The following NRG2 variants were observed in gnomAD, a reference collection of about 807,000 sequenced individuals.
NRG2 encodes pro-neuregulin-2, membrane-bound isoform.
NRG2 carries 27 observed loss-of-function variants against 73.9 expected under a neutral mutation model. The observed-to-expected ratio is 0.37, with a 90% CI of 0.27 to 0.50. NRG2 has a LOEUF of 0.50. Ranked by LOEUF, NRG2 falls within the 20% of genes least tolerant of loss-of-function variation. NRG2 has a pLI of 0.96. For synonymous variants in NRG2, 532 were observed against 541.0 expected (o/e 0.98, Z 0.23); for missense variants, 1,126 against 1,210.1 (o/e 0.93, Z 1.03).
chr5:140,032,630 T>C lies in NRG2; in HGVS notation c.700+9740A>G, dbSNP rs547968817. Among the ~76,000 whole-genome samples the C allele has an allele frequency of 5.3e-4, 80 of 152,328 alleles. 1 individual carries two copies. The highest frequency in any genetic ancestry group is 9.7e-4 in the Non-Finnish European group (66 of 68,030). ...CAGCAATCAAATATTAACTTCACCA[T>C]ATTTTAAATTACTGCCCCTAAAGAT... On this transcript the variant is annotated intron_variant, in intron 1 of 9. Transcript: ENST00000361474.
At chr5:139,990,802 G>T (rs897887741) in intron 1 of NRG2, among the ~76,000 whole-genome samples, 3 of 152,118 alleles carry the variant, frequency 2.0e-5, no homozygotes, top group African/African-American at 7.2e-5. Flanking sequence ...CCTATTCTAT[G>T]AAATGCTTGT....
intron 1 of NRG2, among the ~76,000 whole-genome samples, chr5:139,981,778 T>C (rs1045846621): frequency 2.0e-5 from 3 of 152,240 alleles, no homozygotes; most frequent in Non-Finnish European, 4.4e-5. Flanking sequence ...AGTCTGGCTC[T>C]ACCAGGCTGT....
chr5:140,007,442 A>G (rs949497859), intron 1 of NRG2, among the ~76,000 whole-genome samples: 2 of 151,966 alleles, frequency 1.3e-5, no homozygotes, highest in African/African-American at 4.8e-5. Context: ...CATAACAGAC[A>G]CAAGCAGAAC....
Position 139,848,556 on chromosome 5 carries a change from A to G in NRG2, c.1914T>C (p.Ser638=), listed in dbSNP as rs1464245141. 1.9e-6 allele frequency: 3 copies of G among 1,539,908 alleles called. No homozygotes were observed. The highest frequency in any genetic ancestry group is 1.7e-6 in the Non-Finnish European group (2 of 1,155,018). The change falls in exon 10 of 10, where the codon AGT becomes AGC. Residue 638 remains serine (S), a synonymous_variant. Coordinates refer to ENST00000361474, the MANE Select transcript of NRG2 (RefSeq NM_004883.3). ...ACGGCTGCTGCTCGGCCAGGCGGTA[A>G]CTGATGGGCGCCGCCGGCGGCAGCG... ...AVSLPPAAPI[S]YRLAEQQPLL... is the part of the protein sequence containing the mutation.
rs759640659 is a variant in NRG2 at position 139,851,645 on chromosome 5, G to C, written c.1731C>G (p.His577Gln). ...ERRRATAPPY[H>Q]DSVDSLRDSP... ...AGTCGCGAAGGGAGTCCACGGAATC[G>C]TGATAGGGTGGCGCGGTGGCCCTGC... Residue 577 changes from histidine to glutamine, a missense_variant, in exon 9 of 10, where the codon CAC (histidine) becomes CAG (glutamine). By Grantham distance (24) the His-to-Gln change is conservative. Transcript: ENST00000361474. The surrounding 1 kb of genome is among the most constrained non-coding windows in gnomAD (Gnocchi z 4.2). The C allele has an allele frequency of 1.2e-5, 19 of 1,614,006 alleles. No individual in the cohort carries two copies. Among genetic ancestry groups the C allele is most frequent in the Non-Finnish European group, 1.6e-5 (19 of 1,180,052 alleles).
Position 139,852,707 on chromosome 5 carries a change from G to C in NRG2, c.1417-148C>G. 7.0e-7 allele frequency: 1 copy of C among 1,424,324 alleles called. No homozygotes were observed. The highest frequency in any genetic ancestry group is 9.6e-7 in the Non-Finnish European group (1 of 1,043,942). The allele number at this position is 1,424,324 out of a possible 1,614,324, so 88.2% of individuals were successfully genotyped here. On this transcript the variant is annotated intron_variant, in intron 7 of 9. Transcript: ENST00000361474. This position sits in a 1 kb window ranked among gnomAD's most constrained non-coding sequence, Gnocchi z 4.4. ...GTGACTTGATGTTGGGGCAGCGATGGCTCCAGCAAATCAACCCCCACCCCT... is the reference window on the plus strand; with the variant it reads ...GTGACTTGATGTTGGGGCAGCGATGCCTCCAGCAAATCAACCCCCACCCCT...
intron 1 of NRG2, among the ~76,000 whole-genome samples, chr5:139,913,062 A>C (rs1206082712): frequency 1.3e-5 from 2 of 152,146 alleles, no homozygotes; most frequent in Non-Finnish European, 2.9e-5. Flanking sequence ...TTCCAAGCCC[A>C]GTCTGTGGAT....
intron 1 of NRG2, among the ~76,000 whole-genome samples, chr5:140,029,040 C>T (rs1379577755): frequency 6.6e-6 from 1 of 152,174 alleles, no homozygotes; most frequent in African/African-American, 2.4e-5. Flanking sequence ...GACCTTGTCG[C>T]AACTAGTGTC....
chr5:139,963,113 A>C (rs910987101), intron 1 of NRG2, among the ~76,000 whole-genome samples: 4 of 152,354 alleles, frequency 2.6e-5, no homozygotes, highest in East Asian at 3.9e-4. Flanking sequence ...GGAATGAATA[A>C]ATAGTGAATA....
At chr5:140,039,241 T>C (rs772135839) in intron 1 of NRG2, among the ~76,000 whole-genome samples, 1 of 152,222 alleles carries the variant, frequency 6.6e-6, no homozygotes, top group South Asian at 2.1e-4. Flanking sequence ...GGTGTAATTA[T>C]ACCAAAATAT....
In NRG2 at chr5:139,933,000, C is replaced by T. The variant is rs548751219; in HGVS notation, c.701-45489G>A. 5.6e-4 allele frequency among the ~76,000 whole-genome samples: 86 copies of T among 152,318 alleles called. 2 individuals are homozygous for T. Among genetic ancestry groups the T allele is most frequent in the Admixed American group, 2.0e-3 (31 of 15,296 alleles). On this transcript the variant is annotated intron_variant, in intron 1 of 9. Transcript: ENST00000361474. ...TATTAAAAAGTGAGAACAGGCCGCA[C>T]GCGGTGGCTCACGCCTGTAAGCCCA...
Position 139,987,063 on chromosome 5 carries a change from G to T in NRG2, c.700+55307C>A, listed in dbSNP as rs184329362. Among the ~76,000 whole-genome samples the T allele has an allele frequency of 1.5e-4, 23 of 152,090 alleles. No homozygotes were observed. In the East Asian group the frequency reaches 4.3e-3, roughly 28 times the overall value. ...ATCTCTTTGATCCATATGCTAAGGA[G>T]CCTTTCCTAGGAAAAAGAATATTAT... On this transcript the variant is annotated intron_variant, in intron 1 of 9. Transcript: ENST00000361474.
intron 1 of NRG2, among the ~76,000 whole-genome samples, chr5:139,888,801 G>GA (rs933283145): frequency 9.4e-4 from 142 of 151,364 alleles, no homozygotes; most frequent in African/African-American, 3.4e-3. Context: ...TTTAGAAAAT[G>GA]AAAAAATACA....
chr5:140,003,688 C>T (rs1758673732), intron 1 of NRG2, among the ~76,000 whole-genome samples: 2 of 152,126 alleles, frequency 1.3e-5, no homozygotes, highest in Admixed American at 1.3e-4. Context: ...TAAATTGTAG[C>T]CATTTGTTGT....
intron 1 of NRG2, among the ~76,000 whole-genome samples, chr5:139,965,833 T>C (rs1196810822): frequency 6.6e-6 from 1 of 152,176 alleles, no homozygotes; most frequent in Non-Finnish European, 1.5e-5. Context: ...GAGGTATGGA[T>C]GTGGGGCTCA....
intron 1 of NRG2, among the ~76,000 whole-genome samples, chr5:139,973,156 C>CAAAAAAAAAAAAAA (rs58053481): frequency 1.1e-5 from 1 of 89,422 alleles, no homozygotes. Context: ...TAAGAATATG[C>CAAAAAAAAAAAAAA]AAAAAAAAAA....
At chr5:139,922,432 C>A (rs1751744874) in intron 1 of NRG2, among the ~76,000 whole-genome samples, 1 of 152,184 alleles carries the variant, frequency 6.6e-6, no homozygotes, top group South Asian at 2.1e-4. Flanking sequence ...TGCCCCGAAT[C>A]CAAAACACTA....
At chr5:139,990,225 A>C (rs1488791571) in intron 1 of NRG2, among the ~76,000 whole-genome samples, 1 of 152,110 alleles carries the variant, frequency 6.6e-6, no homozygotes, top group East Asian at 1.9e-4. Flanking sequence ...TAAATGTCAA[A>C]CTTTAATTGT....
chr5:139,947,268 A>G (rs1338789261), intron 1 of NRG2, among the ~76,000 whole-genome samples: 3 of 152,192 alleles, frequency 2.0e-5, no homozygotes, highest in Non-Finnish European at 4.4e-5. Flanking sequence ...AGAAACTGCT[A>G]ATCAGCCTTC....
Sources: allele counts gnomAD v4.1 joint callset (sites outside exome capture counted in the v4.1 genomes callset), GRCh38; gene constraint gnomAD v4.1.1; non-coding constraint Gnocchi (gnomAD v3.1); transcripts MANE v1.5; gene names NCBI Gene and HGNC (gene_info 2026-07-23, HGNC 2026-07-21).